The following BAALC variants were observed in gnomAD, a reference collection of about 807,000 sequenced individuals.
The protein encoded by BAALC is brain and acute leukemia cytoplasmic protein.
A neutral mutation model predicts 15.5 loss-of-function variants in BAALC; 9 were observed. The ratio of observed to expected loss-of-function variants is 0.58; its 90% CI spans 0.35 to 1.02. BAALC has a LOEUF of 1.02. BAALC is among the 50% of genes least tolerant of loss of function. The pLI is 0.02. For synonymous variants in BAALC, 80 were observed against 74.6 expected (o/e 1.07, Z -0.37); for missense variants, 201 against 192.4 (o/e 1.04, Z -0.27).
At chr8:103,172,844 A>T (rs1023456358) in intron 1 of BAALC, among the ~76,000 whole-genome samples, 30 of 152,234 alleles carry the variant, frequency 2.0e-4, no homozygotes, top group Non-Finnish European at 5.9e-5. Flanking sequence ...ATTATGATTT[A>T]CTTAAAAATG....
Position 103,212,923 on chromosome 8 carries a change from G to T in BAALC, c.165G>T (p.Met55Ile). The T allele has an allele frequency of 1.2e-6, 2 of 1,612,454 alleles. No homozygotes were observed. Among genetic ancestry groups the T allele is most frequent in the Non-Finnish European group, 1.7e-6 (2 of 1,178,924 alleles). The change falls in exon 2 of 3, where the codon ATG becomes ATT. Residue 55 changes from methionine (M) to isoleucine (I), a missense_variant. Coordinates refer to ENST00000309982, the MANE Select transcript of BAALC (RefSeq NM_024812.3). Reference protein sequence around the residue: ...GPEAGGLHSGMLEDGLPSNGV... With the variant: ...GPEAGGLHSGILEDGLPSNGV... ...TCCTCTGCTTACCTCCCCCAGGCAT[G>T]CTGGAAGATGGACTGCCCTCCAATG...
At chr8:103,211,112 T>C (rs1197662206) in intron 1 of BAALC, among the ~76,000 whole-genome samples, 1 of 152,246 alleles carries the variant, frequency 6.6e-6, no homozygotes, top group African/African-American at 2.4e-5. Flanking sequence ...TCTTGCCAAG[T>C]ATTTGGTAGC....
At chr8:103,181,172 T>C (rs1811719201) in intron 1 of BAALC, among the ~76,000 whole-genome samples, 1 of 152,180 alleles carries the variant, frequency 6.6e-6, no homozygotes, top group Non-Finnish European at 1.5e-5. Context: ...GTGGTTGTGC[T>C]CTGGAGGTGG....
At chr8:103,198,041 A>C in intron 1 of BAALC, 1 of 675,838 alleles carries the variant, frequency 1.5e-6, no homozygotes. Context: ...GAGCCATTAA[A>C]TATCCCACAG....
intron 2 of BAALC, among the ~76,000 whole-genome samples, chr8:103,219,839 A>C (rs7829782): frequency 0.42 from 63,802 of 152,082 alleles, 13,640 homozygotes; most frequent in African/African-American, 0.49. Flanking sequence ...TCTGAAAAGA[A>C]GTCAAACATC....
intron 1 of BAALC, among the ~76,000 whole-genome samples, chr8:103,181,239 A>G (rs575763478): frequency 3.5e-4 from 53 of 152,172 alleles, no homozygotes; most frequent in African/African-American, 1.3e-3. Context: ...TCCCTAGGTG[A>G]GTCAGGCTGT....
At chr8:103,154,267 G>C (rs1811041376) in intron 1 of BAALC, among the ~76,000 whole-genome samples, 1 of 152,048 alleles carries the variant, frequency 6.6e-6, no homozygotes, top group Non-Finnish European at 1.5e-5. Flanking sequence ...TTGTCTAAAT[G>C]TACACGGGCT....
In BAALC at chr8:103,212,999, A is replaced by G. The variant is rs751034989; in HGVS notation, c.241A>G (p.Thr81Ala). 1 of 1,614,138 alleles carries G rather than the reference A, an allele frequency of 6.2e-7. No individual in the cohort carries two copies. Among genetic ancestry groups the G allele is most frequent in the Admixed American group, 1.7e-5 (1 of 60,026 alleles). ...TGGAATACCCAACCCAGAGAAGAAG[A>G]CGAACTGTGAGACCCAGTGCCCAAA... ...PGGIPNPEKK[T>A]NCETQCPNPQ... Residue 81 changes from threonine (T) to alanine (A), a missense_variant, in exon 2 of 3, where the codon ACG (threonine) becomes GCG (alanine). Thr to Ala is a moderately conservative substitution (Grantham distance 58). Transcript: ENST00000309982.
At chr8:103,206,298 C>A (rs1812328056) in intron 1 of BAALC, among the ~76,000 whole-genome samples, 1 of 152,162 alleles carries the variant, frequency 6.6e-6, no homozygotes, top group Non-Finnish European at 1.5e-5. Flanking sequence ...CTCTACTCAA[C>A]AACTGACCAT....
At chr8:103,190,569 A>T (rs1811943418) in intron 1 of BAALC, among the ~76,000 whole-genome samples, 1 of 152,230 alleles carries the variant, frequency 6.6e-6, no homozygotes, top group South Asian at 2.1e-4. Flanking sequence ...TTGCAATGGA[A>T]TATGAATGGG....
intron 1 of BAALC, among the ~76,000 whole-genome samples, chr8:103,168,708 CTCTT>C (rs1811407622): frequency 1.3e-5 from 2 of 152,062 alleles, no homozygotes; most frequent in Non-Finnish European, 1.5e-5. Context: ...TTGGCCTTGA[CTCTT>C]TCTTTGACAT....
At chr8:103,224,488 G>A (rs1812758219) in intron 2 of BAALC, among the ~76,000 whole-genome samples, 1 of 152,104 alleles carries the variant, frequency 6.6e-6, no homozygotes, top group South Asian at 2.1e-4. Flanking sequence ...TAGACAATTG[G>A]TTGCGTTTAT....
chr8:103,171,131 GAGA>G (rs1811474979), intron 1 of BAALC, among the ~76,000 whole-genome samples: 1 of 150,966 alleles, frequency 6.6e-6, no homozygotes, highest in Non-Finnish European at 1.5e-5. Flanking sequence ...GAGAGAGAGA[GAGA>G]AGGAGAGAAG....
intron 1 of BAALC, chr8:103,197,974 C>G: frequency 3.6e-6 from 2 of 551,454 alleles, no homozygotes; most frequent in Non-Finnish European, 6.4e-6. Flanking sequence ...CCCAGTCTTT[C>G]CTTTTAAACA....
At chr8:103,156,305 G>A (rs922172474) in intron 1 of BAALC, among the ~76,000 whole-genome samples, 11 of 152,244 alleles carry the variant, frequency 7.2e-5, no homozygotes, top group African/African-American at 2.7e-4. Flanking sequence ...TTCTCACCGT[G>A]AAGGCAGTTT....
chr8:103,203,428 G>C (rs78651620), intron 1 of BAALC, among the ~76,000 whole-genome samples: 2 of 152,118 alleles, frequency 1.3e-5, no homozygotes, highest in East Asian at 3.8e-4. Context: ...TGACAGCTTT[G>C]TTGAGGTATA....
At chr8:103,159,684 C>T (rs1586382653) in intron 1 of BAALC, among the ~76,000 whole-genome samples, 1 of 152,178 alleles carries the variant, frequency 6.6e-6, no homozygotes, top group Non-Finnish European at 1.5e-5. Context: ...CCTTTTCACA[C>T]ACTTCTAGTA....
chr8:103,159,360 G>A (rs1204404393), intron 1 of BAALC, among the ~76,000 whole-genome samples: 3 of 152,188 alleles, frequency 2.0e-5, no homozygotes, highest in African/African-American at 7.2e-5. Context: ...TTACAAAATG[G>A]TGATAGTCTA....
intron 1 of BAALC, among the ~76,000 whole-genome samples, chr8:103,174,985 AT>A (rs1811576050): frequency 6.6e-6 from 1 of 152,126 alleles, no homozygotes; most frequent in Non-Finnish European, 1.5e-5. Context: ...TTTTCCTTCC[AT>A]TTTCATTGCA....
Sources: allele counts gnomAD v4.1 joint callset (sites outside exome capture counted in the v4.1 genomes callset), GRCh38; gene constraint gnomAD v4.1.1; transcripts MANE v1.5; gene names NCBI Gene and HGNC (gene_info 2026-07-23, HGNC 2026-07-21).